Variants in ZFYVE21 observed in about 807,000 individuals in gnomAD.
ZFYVE21 encodes the protein zinc finger FYVE-type containing 21, also known as zinc finger FYVE domain-containing protein 21.
In ZFYVE21, 21 loss-of-function variants were observed where a neutral mutation model predicts 29.5. That is an observed-to-expected ratio of 0.71 (90% CI 0.50 to 1.02). The LOEUF (loss-of-function observed/expected upper bound fraction) is 1.02, where lower values mean the gene tolerates loss of function less well. Among genes scored for constraint, ZFYVE21 ranks in the 50% least tolerant of loss-of-function variants. ZFYVE21 has a pLI of 0.00. For synonymous variants in ZFYVE21, 151 were observed against 133.8 expected, an observed-to-expected ratio of 1.13 and a Z score of -0.89; for missense variants, 326 against 335.4, an observed-to-expected ratio of 0.97 and a Z score of 0.22.
intron 1 of ZFYVE21, among the ~76,000 whole-genome samples, chr14:103,718,936 G>T (rs917222291): frequency 1.3e-5 from 2 of 152,188 alleles, no homozygotes; most frequent in African/African-American, 4.8e-5. Context: ...TGCTAGAGGC[G>T]TCTGGAGCTG....
chr14:103,717,020 A>G (rs572448248), intron 1 of ZFYVE21, among the ~76,000 whole-genome samples: 26 of 152,364 alleles, frequency 1.7e-4, no homozygotes, highest in African/African-American at 5.5e-4. Flanking sequence ...AACTAGGTTC[A>G]AGAAGTCAAA....
rs2083798058 is a variant in ZFYVE21, at chr14:103,715,863, C to A, written c.22C>A (p.Arg8Ser). 7.0e-7 allele frequency: 1 copy of A among 1,425,478 alleles called. No homozygotes were observed. Among genetic ancestry groups the A allele is most frequent in the Non-Finnish European group, 9.2e-7 (1 of 1,084,798 alleles). The allele number at this position is 1,425,478 out of a possible 1,614,324, so 88.3% of individuals were successfully genotyped here. Residue 8 changes from arginine to serine, a missense_variant, in exon 1 of 7, where the codon CGC (arginine) becomes AGC (serine). Transcript: ENST00000311141. Reference sequence around the variant, plus strand: ...CGTCATGTCCTCCGAGGTGTCCGCGCGCCGCGACGCCAAGAAGCTGGTGCG... The same window carrying A: ...CGTCATGTCCTCCGAGGTGTCCGCGAGCCGCGACGCCAAGAAGCTGGTGCG... The part of the protein sequence containing the change: MSSEVSA[R>S]RDAKKLVRSP...
At chr14:103,718,994 G>A (rs2083851454) in intron 1 of ZFYVE21, among the ~76,000 whole-genome samples, 1 of 152,198 alleles carries the variant, frequency 6.6e-6, no homozygotes, top group Non-Finnish European at 1.5e-5. Flanking sequence ...GGTCTCACAG[G>A]CCAGGCCGGA....
intron 1 of ZFYVE21, among the ~76,000 whole-genome samples, chr14:103,719,333 G>T (rs2083853937): frequency 6.6e-6 from 1 of 151,988 alleles, no homozygotes; most frequent in Admixed American, 6.6e-5. Flanking sequence ...GGTGGTGTGT[G>T]CCTGTATCCC....
At chr14:103,719,591 T>A (rs1256470924) in intron 1 of ZFYVE21, among the ~76,000 whole-genome samples, 1 of 151,476 alleles carries the variant, frequency 6.6e-6, no homozygotes, top group Non-Finnish European at 1.5e-5. Context: ...GCATCTGTGA[T>A]CTCCTCTGGC....
At chr14:103,720,236 C>T (rs1336384627) in intron 1 of ZFYVE21, among the ~76,000 whole-genome samples, 1 of 152,170 alleles carries the variant, frequency 6.6e-6, no homozygotes, top group Non-Finnish European at 1.5e-5. Context: ...GGTTTTTAGT[C>T]TTATTGGTTC....
rs746354819 is a variant in ZFYVE21 at position 103,727,833 on chromosome 14, G to A, written c.277G>A (p.Val93Met). The part of the protein sequence containing the change: ...PLRRMCFVDP[V>M]RQCAECALVS... ...GCGGCGCATGTGCTTTGTGGACCCC[G>A]TGCGGCAGTGCGCGGAGTGCGCCCT... The change falls in exon 3 of 7, where the codon GTG (valine) becomes ATG (methionine). Residue 93 changes from valine to methionine, a missense_variant. Val to Met is a conservative substitution (Grantham distance 21). Coordinates refer to ENST00000311141, the MANE Select transcript of ZFYVE21 (RefSeq NM_024071.4). 1.2e-6 allele frequency: 2 copies of A among 1,613,166 alleles called. No homozygotes were observed. The highest frequency in any genetic ancestry group is 1.7e-6 in the Non-Finnish European group (2 of 1,179,902).
At chr14:103,727,375 T>TTCCCCCCCCC in intron 2 of ZFYVE21, 1 of 181,994 alleles carries the variant, frequency 5.5e-6, no homozygotes, top group Non-Finnish European at 1.1e-5. Context: ...CCGCCCCCTC[T>TTCCCCCCCCC]GCCCCCTCCG....
intron 6 of ZFYVE21, 93 bp from the exon 7 acceptor site, chr14:103,732,890 C>A: frequency 6.2e-7 from 1 of 1,603,574 alleles, no homozygotes; most frequent in Non-Finnish European, 8.5e-7. Context: ...AGCTGGGGTG[C>A]CCACGCCATC....
At chr14:103,725,475 G>C (rs773814919) in intron 1 of ZFYVE21, 3 of 152,326 alleles carry the variant, frequency 2.0e-5, no homozygotes, top group Non-Finnish European at 4.4e-5. Flanking sequence ...GGGCTGCTGA[G>C]AAGCTGGCTG....
Position 103,716,992 on chromosome 14 carries a change from G to C in ZFYVE21, c.138+1013G>C, listed in dbSNP as rs971840086. Among the ~76,000 whole-genome samples, 3 of 152,210 alleles carry C rather than the reference G, an allele frequency of 2.0e-5. No individual in the cohort carries two copies. Among genetic ancestry groups the C allele is most frequent in the Non-Finnish European group, 2.9e-5 (2 of 68,044 alleles). On this transcript the variant is annotated intron_variant, in intron 1 of 6. Coordinates refer to ENST00000311141, the MANE Select transcript of ZFYVE21 (RefSeq NM_024071.4). The surrounding 1 kb of genome is among the most constrained non-coding windows in gnomAD (Gnocchi z 4.8). The stretch of plus-strand genomic sequence containing the variant: ...GATTCGTTTAATTCCCTCAGTGATA[G>C]AACTAAGCAGACGTTGGAACTAGGT...
At chr14:103,729,340 T>C in intron 5 of ZFYVE21, 158 bp downstream of exon 5, 1 of 689,526 alleles carries the variant, frequency 1.5e-6, no homozygotes, top group Admixed American at 2.9e-5. Context: ...GGGGCGTGTA[T>C]TTACTCAGTG....
chr14:103,721,938 GCCA>G (rs1198399123), intron 1 of ZFYVE21, among the ~76,000 whole-genome samples: 1 of 152,210 alleles, frequency 6.6e-6, no homozygotes, highest in East Asian at 1.9e-4. Context: ...GACACCGCTG[GCCA>G]CCTACGGTGA....
At chr14:103,730,778 A>G (rs151250257) in intron 5 of ZFYVE21, 2 of 152,484 alleles carry the variant, frequency 1.3e-5, no homozygotes, top group Non-Finnish European at 2.9e-5. Context: ...TCAAGGCCAG[A>G]TAGTAAACCT....
chr14:103,726,776 G>C lies in ZFYVE21; in HGVS notation c.139-16G>C. The C allele has an allele frequency of 1.9e-6, 3 of 1,613,896 alleles. No individual in the cohort carries two copies. The highest frequency in any genetic ancestry group is 1.6e-4 in the Middle Eastern group (1 of 6,062). ...TGACCAAGCTGCGTTTTAACGCTTTGTCGTGTCTTTCCTAGTGTCGGAGAT... is the reference window on the plus strand; with the variant it reads ...TGACCAAGCTGCGTTTTAACGCTTTCTCGTGTCTTTCCTAGTGTCGGAGAT... On this transcript the variant is annotated splice_polypyrimidine_tract_variant and intron_variant, in intron 1 of 6. Coordinates refer to ENST00000311141, the MANE Select transcript of ZFYVE21 (RefSeq NM_024071.4).
intron 6 of ZFYVE21, 31 bp from the exon 7 acceptor site, chr14:103,732,952 C>A (rs2083999799): frequency 6.2e-7 from 1 of 1,613,998 alleles, no homozygotes; most frequent in Non-Finnish European, 8.5e-7. Flanking sequence ...ACCAAGCAGG[C>A]CTCACTGTGT....
chr14:103,726,948 G>GTT (rs572377392), intron 2 of ZFYVE21, 106 bp downstream of exon 2: 2,606 of 651,586 alleles, frequency 4.0e-3, no homozygotes, highest in Middle Eastern at 5.6e-3. Flanking sequence ...CTTATGGCTC[G>GTT]TTTTTTTTTT....
intron 5 of ZFYVE21, 127 bp from the exon 6 acceptor site, chr14:103,732,493 C>A (rs1026909530): frequency 8.4e-7 from 1 of 1,193,186 alleles, no homozygotes; most frequent in Non-Finnish European, 1.1e-6. Context: ...TGAGCACCAG[C>A]CCTCACTGCC....
intron 1 of ZFYVE21, among the ~76,000 whole-genome samples, chr14:103,719,468 A>G (rs910459835): frequency 6.6e-6 from 1 of 151,842 alleles, no homozygotes; most frequent in Non-Finnish European, 1.5e-5. Flanking sequence ...AAAAAAAAAA[A>G]AAAAGTCCAG....
Sources: allele counts gnomAD v4.1 joint callset (sites outside exome capture counted in the v4.1 genomes callset), GRCh38; gene constraint gnomAD v4.1.1; non-coding constraint Gnocchi (gnomAD v3.1); transcripts MANE v1.5; gene names NCBI Gene and HGNC (gene_info 2026-07-23, HGNC 2026-07-21).